Variants in MAGI2 observed in about 807,000 individuals in gnomAD.
MAGI2 encodes membrane associated guanylate kinase, WW and PDZ domain containing 2.
MAGI2 carries 35 observed loss-of-function variants against 133.3 expected under a neutral mutation model. The observed-to-expected ratio is 0.26, with a 90% confidence interval of 0.20 to 0.35. The LOEUF (loss-of-function observed/expected upper bound fraction) is 0.35. MAGI2 is among the 10% of genes least tolerant of loss of function. MAGI2 has a pLI of 1.00. For synonymous variants in MAGI2, 729 were observed against 710.6 expected (o/e 1.03, Z -0.41); for missense variants, 1,636 against 1,863.4 (o/e 0.88, Z 2.25).
intron 1 of MAGI2, among the ~76,000 whole-genome samples, chr7:79,122,194 T>G (rs1453866687): frequency 6.6e-6 from 1 of 152,150 alleles, no homozygotes; most frequent in Non-Finnish European, 1.5e-5. Flanking sequence ...TATCATTATA[T>G]CAGATAAACA....
chr7:78,401,142 G>A (rs1023169154), intron 6 of MAGI2, among the ~76,000 whole-genome samples: 2 of 151,174 alleles, frequency 1.3e-5, no homozygotes, highest in African/African-American at 2.4e-5. Context: ...AGTCCCCTTC[G>A]CAAAAGAAAC....
rs1475721103 is a variant in MAGI2, at chr7:78,343,886, T to C, written c.1300A>G (p.Met434Val). ...FLSTTLKKSN[M>V]GFGFTIIGGD... ...CCAATGATGGTAAATCCAAAGCCCATGTTGCTCTTTTTTAGGGTGGTGCTG... is the reference window on the plus strand; with the variant it reads ...CCAATGATGGTAAATCCAAAGCCCACGTTGCTCTTTTTTAGGGTGGTGCTG... Residue 434 changes from methionine (M) to valine (V), a missense_variant, in exon 9 of 22, where the codon ATG becomes GTG. Around this residue, in one of 5 missense-constraint regions of MAGI2, gnomAD observed 920 missense variants for 1,093.5 expected, o/e 0.84. Transcript: ENST00000354212. The C allele has an allele frequency of 2.5e-6, 4 of 1,613,226 alleles. No homozygotes were observed. The Admixed American group carries it at 5.0e-5, about 20-fold the overall frequency.
intron 1 of MAGI2, among the ~76,000 whole-genome samples, chr7:79,263,158 C>A (rs1288942168): frequency 1.3e-5 from 2 of 152,128 alleles, no homozygotes; most frequent in Non-Finnish European, 2.9e-5. Flanking sequence ...AACCATATAG[C>A]TTGTATATGT....
intron 20 of MAGI2, among the ~76,000 whole-genome samples, chr7:78,096,213 T>C (rs547652389): frequency 1.3e-5 from 2 of 152,342 alleles, no homozygotes; most frequent in East Asian, 1.9e-4. Flanking sequence ...AGCAATGTTA[T>C]TAAGAGCACG....
chr7:79,241,689 G>A (rs1429628264), intron 1 of MAGI2, among the ~76,000 whole-genome samples: 2 of 152,074 alleles, frequency 1.3e-5, no homozygotes, highest in African/African-American at 4.8e-5. Context: ...GCCTTTCATA[G>A]CATGCCTTTC....
intron 2 of MAGI2, among the ~76,000 whole-genome samples, chr7:78,976,905 T>C (rs1197414819): frequency 6.6e-6 from 1 of 151,542 alleles, no homozygotes; most frequent in Admixed American, 6.6e-5. Flanking sequence ...GTACAGAGTC[T>C]GTATGCAGAA....
intron 2 of MAGI2, among the ~76,000 whole-genome samples, chr7:78,701,302 G>A (rs1818045736): frequency 6.6e-6 from 1 of 151,934 alleles, no homozygotes; most frequent in Non-Finnish European, 1.5e-5. Flanking sequence ...TCCAGGAGGT[G>A]AATTATTACA....
intron 2 of MAGI2, among the ~76,000 whole-genome samples, chr7:78,949,418 A>G (rs1361980246): frequency 3.9e-5 from 6 of 152,278 alleles, no homozygotes; most frequent in Middle Eastern, 3.4e-3. Context: ...ACCCACAATA[A>G]CTATTAGATT....
intron 9 of MAGI2, among the ~76,000 whole-genome samples, chr7:78,278,616 G>C (rs1414623050): frequency 6.6e-6 from 1 of 152,042 alleles, no homozygotes; most frequent in Non-Finnish European, 1.5e-5. Flanking sequence ...ACATTTTGTG[G>C]ATATAGTTAA....
chr7:79,302,035 C>A (rs1384249229), intron 1 of MAGI2, among the ~76,000 whole-genome samples: 1 of 152,166 alleles, frequency 6.6e-6, no homozygotes, highest in Non-Finnish European at 1.5e-5. Context: ...TGCTGCTATG[C>A]TTTCTGTATA....
intron 2 of MAGI2, among the ~76,000 whole-genome samples, chr7:78,923,893 T>C (rs1001225054): frequency 3.3e-5 from 5 of 152,200 alleles, no homozygotes; most frequent in African/African-American, 1.2e-4. Flanking sequence ...GTACTTCTCC[T>C]TGAAGAGGTC....
chr7:79,182,835 A>T (rs891698596), intron 1 of MAGI2, among the ~76,000 whole-genome samples: 2 of 151,988 alleles, frequency 1.3e-5, no homozygotes, highest in Non-Finnish European at 2.9e-5. Flanking sequence ...GATAAAGAAA[A>T]TGTGGTATAT....
chr7:78,253,002 G>A (rs150906754), intron 10 of MAGI2: 2,159 of 148,324 alleles, frequency 0.015, 31 homozygotes, highest in South Asian at 0.022. Flanking sequence ...AGCCATTTTA[G>A]AAAACATTCT....
intron 1 of MAGI2, among the ~76,000 whole-genome samples, chr7:79,098,445 A>G (rs1817695401): frequency 6.6e-6 from 1 of 152,224 alleles, no homozygotes. Context: ...ATAGTATGCT[A>G]CATTAATGTT....
intron 2 of MAGI2, among the ~76,000 whole-genome samples, chr7:78,975,364 T>C (rs1454973589): frequency 1.3e-5 from 2 of 151,600 alleles, no homozygotes; most frequent in Admixed American, 6.6e-5. Context: ...AAATCAACAA[T>C]ATAAGACGTT....
intron 10 of MAGI2, among the ~76,000 whole-genome samples, chr7:78,227,828 A>G (rs1219335979): frequency 7.0e-6 from 1 of 142,402 alleles, no homozygotes; most frequent in Non-Finnish European, 1.6e-5. Context: ...TCATAGAAAT[A>G]CCATACTGCC....
At chr7:78,850,000 G>A (rs1030806260) in intron 2 of MAGI2, among the ~76,000 whole-genome samples, 14 of 151,936 alleles carry the variant, frequency 9.2e-5, no homozygotes, top group Admixed American at 2.6e-4. Context: ...GCCTGACCTG[G>A]AGTAGGTAAT....
At chr7:78,238,913 A>G (rs1790838712) in intron 10 of MAGI2, among the ~76,000 whole-genome samples, 1 of 152,104 alleles carries the variant, frequency 6.6e-6, no homozygotes, top group Admixed American at 6.6e-5. Flanking sequence ...CACCTCCAAC[A>G]ATCTCTTGGA....
At chr7:79,291,347 G>GT (rs1432609094) in intron 1 of MAGI2, among the ~76,000 whole-genome samples, 2 of 151,826 alleles carry the variant, frequency 1.3e-5, no homozygotes, top group African/African-American at 4.8e-5. Context: ...CCAACTTTTG[G>GT]TTATTATGAA....
Sources: gnomAD v4.1 joint callset for allele counts (sites outside exome capture counted in the v4.1 genomes callset) on GRCh38, gnomAD v4.1.1 for gene constraint, gnomAD v4.1.1 regional missense constraint, MANE v1.5 for transcripts, NCBI Gene and HGNC (gene_info 2026-07-23, HGNC 2026-07-21) for gene names.